Variants in NELL1 observed in about 807,000 individuals in gnomAD.
NELL1 encodes the protein neural EGFL like 1.
A neutral mutation model predicts 107.4 loss-of-function variants in NELL1; 76 were observed. The observed-to-expected ratio is 0.71, with a 90% confidence interval of 0.59 to 0.86. The LOEUF is 0.86. Among genes scored for constraint, NELL1 ranks in the 40% least tolerant of loss-of-function variants. The pLI, the probability that NELL1 is intolerant of heterozygous loss-of-function variation, is 0.00. For synonymous variants in NELL1, 353 were observed against 341.2 expected, an observed-to-expected ratio of 1.03 and a Z score of -0.38; for missense variants, 1,024 against 1,005.5, an observed-to-expected ratio of 1.02 and a Z score of -0.25.
chr11:21,561,659 T>C (rs1223629141), intron 17 of NELL1, among the ~76,000 whole-genome samples: 1 of 152,038 alleles, frequency 6.6e-6, no homozygotes, highest in Non-Finnish European at 1.5e-5. Flanking sequence ...TGTAACACTC[T>C]ACGATGATAT....
At chr11:20,998,368 C>CT (rs2134268668) in intron 12 of NELL1, among the ~76,000 whole-genome samples, 1 of 152,234 alleles carries the variant, frequency 6.6e-6, no homozygotes, top group Admixed American at 6.5e-5. Context: ...ATAACATAAG[C>CT]TTTTTTTCAT....
At chr11:21,494,077 T>C (rs1590977209) in intron 15 of NELL1, among the ~76,000 whole-genome samples, 1 of 152,050 alleles carries the variant, frequency 6.6e-6, no homozygotes, top group African/African-American at 2.4e-5. Context: ...ATATTGATTT[T>C]TACCAAAGCC....
At chr11:21,479,414 T>C (rs959554563) in intron 15 of NELL1, among the ~76,000 whole-genome samples, 1 of 152,166 alleles carries the variant, frequency 6.6e-6, no homozygotes, top group African/African-American at 2.4e-5. Flanking sequence ...GAGGTCATTA[T>C]GTTAAATGAA....
intron 15 of NELL1, among the ~76,000 whole-genome samples, chr11:21,504,751 C>A (rs1371230437): frequency 6.6e-6 from 1 of 152,154 alleles, no homozygotes; most frequent in African/African-American, 2.4e-5. Flanking sequence ...CATCCATTCA[C>A]TAGCTCGAAG....
chr11:20,863,110 T>C (rs1849011214), intron 4 of NELL1, among the ~76,000 whole-genome samples: 2 of 152,176 alleles, frequency 1.3e-5, no homozygotes, highest in Non-Finnish European at 2.9e-5. Flanking sequence ...CAGTGAGCTG[T>C]TGGGTACACC....
chr11:20,707,224 G>C (rs1310220368), intron 2 of NELL1, among the ~76,000 whole-genome samples: 1 of 152,112 alleles, frequency 6.6e-6, no homozygotes, highest in African/African-American at 2.4e-5. Context: ...GGTCATTTAA[G>C]GTCTTCTTGG....
At chr11:21,134,499 C>T (rs1486244951) in intron 13 of NELL1, among the ~76,000 whole-genome samples, 3 of 152,152 alleles carry the variant, frequency 2.0e-5, no homozygotes, top group Non-Finnish European at 4.4e-5. Flanking sequence ...TAACCAAACT[C>T]GTCTATGCTC....
chr11:20,676,000 CA>C (rs1342923969), intron 1 of NELL1, among the ~76,000 whole-genome samples: 1 of 152,142 alleles, frequency 6.6e-6, no homozygotes, highest in African/African-American at 2.4e-5. Flanking sequence ...CCTCCTGCCT[CA>C]GCCTCCCAAA....
chr11:20,700,139 A>G (rs953722429), intron 2 of NELL1, among the ~76,000 whole-genome samples: 1 of 152,078 alleles, frequency 6.6e-6, no homozygotes, highest in African/African-American at 2.4e-5. Context: ...AACAAAAACA[A>G]AAACAAAACA....
intron 3 of NELL1, among the ~76,000 whole-genome samples, chr11:20,830,449 G>A (rs148166026): frequency 6.8e-6 from 1 of 147,480 alleles, no homozygotes; most frequent in Non-Finnish European, 1.5e-5. Flanking sequence ...CAACTCTCCT[G>A]CCTCAGCCTC....
At chr11:20,946,919 T>C (rs1228342750) in intron 10 of NELL1, among the ~76,000 whole-genome samples, 2 of 152,206 alleles carry the variant, frequency 1.3e-5, no homozygotes, top group African/African-American at 4.8e-5. Flanking sequence ...ATAAGCTCAA[T>C]TATACATAAC....
At chr11:21,229,602 C>T in intron 14 of NELL1, 148 bp downstream of exon 14, 1 of 1,109,798 alleles carries the variant, frequency 9.0e-7, no homozygotes, top group Non-Finnish European at 1.3e-6. Flanking sequence ...TACTGTGCGT[C>T]AGGGAAAAAG....
At chr11:20,954,684 C>CCCTCCAA (rs1356767124) in intron 11 of NELL1, among the ~76,000 whole-genome samples, 1 of 152,130 alleles carries the variant, frequency 6.6e-6, no homozygotes, top group African/African-American at 2.4e-5. Context: ...ATGAATATTG[C>CCCTCCAA]TTGAATAAAG....
intron 16 of NELL1, among the ~76,000 whole-genome samples, chr11:21,549,340 A>G (rs1255846835): frequency 6.6e-6 from 1 of 151,908 alleles, no homozygotes; most frequent in Admixed American, 6.6e-5. Flanking sequence ...AAAAAGATAA[A>G]TCTCTGTTAT....
At chr11:21,168,816 T>C (rs1293765794) in intron 13 of NELL1, among the ~76,000 whole-genome samples, 1 of 151,910 alleles carries the variant, frequency 6.6e-6, no homozygotes, top group Non-Finnish European at 1.5e-5. Context: ...GCCTCATCTT[T>C]CTCTGTTGTA....
chr11:20,778,961 C>T lies in NELL1; in HGVS notation c.185-4719C>T, dbSNP rs529833503. On this transcript the variant is annotated intron_variant, in intron 2 of 19. Coordinates refer to ENST00000357134, the MANE Select transcript of NELL1 (RefSeq NM_006157.5). ...ATTGCTCATATATTCTGTTTTTTTTCTCTCTCTCTCTGCTGCATCAGCTTC... is the reference window on the plus strand; with the variant it reads ...ATTGCTCATATATTCTGTTTTTTTTTTCTCTCTCTCTGCTGCATCAGCTTC... Among the ~76,000 whole-genome samples the T allele has an allele frequency of 8.3e-4, 125 of 151,346 alleles. 1 individual carries two copies. Among genetic ancestry groups the T allele is most frequent in the Non-Finnish European group, 1.5e-3 (102 of 67,766 alleles).
At chr11:21,322,768 C>T (rs936999445) in intron 14 of NELL1, among the ~76,000 whole-genome samples, 7 of 152,038 alleles carry the variant, frequency 4.6e-5, no homozygotes, top group African/African-American at 1.7e-4. Flanking sequence ...CTCCTGCTTG[C>T]TTTAGAAGAT....
chr11:21,170,030 A>T, intron 13 of NELL1: 1 of 1,192,692 alleles, frequency 8.4e-7, no homozygotes, highest in Non-Finnish European at 1.3e-6. Context: ...CAGGGTTGTC[A>T]TCAGCACAGA....
At chr11:21,228,002 A>G (rs962407574) in intron 13 of NELL1, among the ~76,000 whole-genome samples, 21 of 152,182 alleles carry the variant, frequency 1.4e-4, no homozygotes, top group African/African-American at 4.8e-4. Context: ...AATTCACTTA[A>G]CAAACTATAT....
Sources: gnomAD v4.1 joint callset for allele counts (sites outside exome capture counted in the v4.1 genomes callset) on GRCh38, gnomAD v4.1.1 for gene constraint, MANE v1.5 for transcripts, NCBI Gene and HGNC (gene_info 2026-07-23, HGNC 2026-07-21) for gene names.